The following POFUT3 variants were observed in gnomAD, a reference collection of about 807,000 sequenced individuals.
POFUT3 encodes the protein GDP-fucose protein O-fucosyltransferase 3.
the POFUT3 span, among the ~76,000 whole-genome samples, chr8:33,420,864 T>C: frequency 6.6e-6 from 1 of 151,876 alleles, no homozygotes; most frequent in Admixed American, 6.6e-5. Flanking sequence ...ACTACCCTGG[T>C]CACATTATAT....
the POFUT3 span, among the ~76,000 whole-genome samples, chr8:33,353,966 C>G: frequency 3.3e-5 from 5 of 152,246 alleles, no homozygotes; most frequent in Non-Finnish European, 7.4e-5. Context: ...TACAATTCTG[C>G]TTCACCAACT....
chr8:33,439,455 C>A, the POFUT3 span, among the ~76,000 whole-genome samples: 1 of 152,132 alleles, frequency 6.6e-6, no homozygotes, highest in African/African-American at 2.4e-5. Context: ...CTAATCTGTT[C>A]TCCGTGGGAA....
chr8:33,392,807 A>G, the POFUT3 span, among the ~76,000 whole-genome samples: 232 of 152,012 alleles, frequency 1.5e-3, 1 homozygote, highest in African/African-American at 5.2e-3. Context: ...AACATGGTGA[A>G]ACCCCGTTTC....
chr8:33,444,933 C>CTTTTTT, the POFUT3 span, among the ~76,000 whole-genome samples: 149 of 121,580 alleles, frequency 1.2e-3, 3 homozygotes, highest in Non-Finnish European at 1.7e-3. Context: ...TGACCTTCAT[C>CTTTTTT]TTTTTTTTTT....
At chr8:33,464,241 C>T in the POFUT3 span, among the ~76,000 whole-genome samples, 1 of 152,090 alleles carries the variant, frequency 6.6e-6, no homozygotes, top group Non-Finnish European at 1.5e-5. Context: ...GATTGCTACC[C>T]CATCAACTGG....
At chr8:33,462,320 T>C in the POFUT3 span, among the ~76,000 whole-genome samples, 6 of 152,150 alleles carry the variant, frequency 3.9e-5, no homozygotes, top group Admixed American at 3.3e-4. Context: ...TATGAAGTCA[T>C]TCCCTTCTAA....
chr8:33,371,215 G>A, the POFUT3 span: 7 of 152,190 alleles, frequency 4.6e-5, no homozygotes, highest in African/African-American at 7.2e-5. Context: ...AGCTGGGATT[G>A]GGAAGAACCC....
the POFUT3 span, among the ~76,000 whole-genome samples, chr8:33,390,059 G>A: frequency 4.3e-3 from 653 of 152,342 alleles, 2 homozygotes; most frequent in Non-Finnish European, 7.7e-3. Context: ...GCTGGGCATG[G>A]TGGCACATTG....
At chr8:33,329,235 C>G in the POFUT3 span, among the ~76,000 whole-genome samples, 1 of 152,162 alleles carries the variant, frequency 6.6e-6, no homozygotes, top group Non-Finnish European at 1.5e-5. Flanking sequence ...TAAACAAGTA[C>G]TTCAGGATGG....
At chr8:33,363,894 G>A in the POFUT3 span, among the ~76,000 whole-genome samples, 2 of 152,180 alleles carry the variant, frequency 1.3e-5, no homozygotes, top group Non-Finnish European at 2.9e-5. Flanking sequence ...AATAGAAAAA[G>A]AGGGAATCCT....
chr8:33,411,816 T>C, the POFUT3 span, among the ~76,000 whole-genome samples: 1 of 152,062 alleles, frequency 6.6e-6, no homozygotes, highest in East Asian at 1.9e-4. Flanking sequence ...AAAATAATAA[T>C]GATAATCTGC....
the POFUT3 span, among the ~76,000 whole-genome samples, chr8:33,442,096 C>T: frequency 6.6e-6 from 1 of 151,760 alleles, no homozygotes; most frequent in African/African-American, 2.4e-5. Context: ...ATTACAGGCG[C>T]ATGCCACCAT....
At chr8:33,418,740 G>T in the POFUT3 span, among the ~76,000 whole-genome samples, 4 of 152,156 alleles carry the variant, frequency 2.6e-5, no homozygotes, top group East Asian at 1.9e-4. Context: ...CTTTCCAGAA[G>T]AAGGGGACTC....
chr8:33,329,816 T>C, the POFUT3 span, among the ~76,000 whole-genome samples: 40,586 of 152,144 alleles, frequency 0.27, 5,830 homozygotes, highest in South Asian at 0.5. Flanking sequence ...CAAAGAACAT[T>C]TTAGTTACTT....
the POFUT3 span, chr8:33,461,265 C>T: frequency 6.9e-5 from 85 of 1,226,624 alleles, no homozygotes; most frequent in Admixed American, 2.0e-3. Flanking sequence ...TCCTGAACAC[C>T]CCTGATTCAG....
chr8:33,471,596 T>C, the POFUT3 span, among the ~76,000 whole-genome samples: 9 of 152,342 alleles, frequency 5.9e-5, no homozygotes, highest in East Asian at 1.7e-3. Flanking sequence ...GTTGGAAATA[T>C]CTGCCTACTG....
the POFUT3 span, among the ~76,000 whole-genome samples, chr8:33,315,523 C>T: frequency 1.3e-5 from 2 of 151,992 alleles, no homozygotes; most frequent in African/African-American, 2.4e-5. Flanking sequence ...AGAACTGTGA[C>T]GGTCGTGAAG....
the POFUT3 span, among the ~76,000 whole-genome samples, chr8:33,360,024 C>G: frequency 6.7e-6 from 1 of 149,824 alleles, no homozygotes; most frequent in Non-Finnish European, 1.5e-5. Context: ...CCAAACCAAA[C>G]AAACAAACAA....
chr8:33,421,709 A>T, the POFUT3 span, among the ~76,000 whole-genome samples: 1 of 152,192 alleles, frequency 6.6e-6, no homozygotes, highest in Admixed American at 6.5e-5. Flanking sequence ...TGAGTCTGGC[A>T]ATGACTGTTC....
Sources: gnomAD v4.1 joint callset for allele counts (sites outside exome capture counted in the v4.1 genomes callset) on GRCh38, gnomAD v4.1.1 for gene constraint, MANE v1.5 for transcripts, NCBI Gene and HGNC (gene_info 2026-07-23, HGNC 2026-07-21) for gene names.